Variants in MYT1L observed in about 807,000 individuals in gnomAD.
The protein encoded by MYT1L is myelin transcription factor 1 like.
Under a neutral mutation model 126.7 loss-of-function variants are expected in MYT1L, and 12 were observed. The ratio of observed to expected loss-of-function variants is 0.09; its 90% CI spans 0.06 to 0.15. The LOEUF (loss-of-function observed/expected upper bound fraction) is 0.15. MYT1L is among the 10% of genes least tolerant of loss of function. The pLI, the probability that MYT1L is intolerant of heterozygous loss-of-function variation, is 1.00. For missense variants in MYT1L, 979 were observed against 1,585.2 expected (o/e 0.62, Z 6.49); for synonymous variants, 541 against 604.2 (o/e 0.90, Z 1.53).
At chr2:1,836,792 C>T (rs553619488) in intron 21 of MYT1L, among the ~76,000 whole-genome samples, 6 of 145,232 alleles carry the variant, frequency 4.1e-5, no homozygotes, top group Admixed American at 6.8e-5. Context: ...ACCCCAAGAT[C>T]CCATCAGCCT....
chr2:2,131,839 C>T (rs1384422290), intron 3 of MYT1L, among the ~76,000 whole-genome samples: 1 of 151,568 alleles, frequency 6.6e-6, no homozygotes. Context: ...CTCTCTCAGA[C>T]ACCACGTTCT....
intron 5 of MYT1L, among the ~76,000 whole-genome samples, chr2:1,991,773 C>G (rs1293948154): frequency 6.6e-6 from 1 of 152,136 alleles, no homozygotes; most frequent in Non-Finnish European, 1.5e-5. Flanking sequence ...ATCCTTCTTT[C>G]AAAGAACACC....
intron 3 of MYT1L, among the ~76,000 whole-genome samples, chr2:2,069,740 C>T (rs2074358570): frequency 1.3e-5 from 2 of 151,866 alleles, no homozygotes; most frequent in South Asian, 4.2e-4. Context: ...CCTGTTATTT[C>T]CTGACTTTTA....
At chr2:1,890,259 T>G (rs2048687428) in intron 15 of MYT1L, among the ~76,000 whole-genome samples, 1 of 151,992 alleles carries the variant, frequency 6.6e-6, no homozygotes, top group Admixed American at 6.6e-5. Context: ...TTAGTAGAGA[T>G]GGGGTTTCAC....
At chr2:1,955,872 G>A (rs1444163592) in intron 8 of MYT1L, among the ~76,000 whole-genome samples, 1 of 152,088 alleles carries the variant, frequency 6.6e-6, no homozygotes, top group South Asian at 2.1e-4. Context: ...CTTGTCCAAG[G>A]AAAACCCATG....
At chr2:1,883,623 C>T (rs960742225) in intron 18 of MYT1L, among the ~76,000 whole-genome samples, 65 of 152,166 alleles carry the variant, frequency 4.3e-4, no homozygotes, top group African/African-American at 1.4e-3. Context: ...CCAGGCAGGG[C>T]TCACGGTGAC....
rs2149018692 is a variant in MYT1L, at chr2:1,910,554, C to A, written c.1710-207G>T. ...GTGCATGCTTTCTGCTGGTCTCCAG[C>A]AGAGAATGCTGGCGGCAGTGCTATG... On this transcript the variant is annotated intron_variant, in intron 12 of 24. Coordinates refer to ENST00000647738, the MANE Select transcript of MYT1L (RefSeq NM_001303052.2). This position sits in a 1 kb window ranked among gnomAD's most constrained non-coding sequence, Gnocchi z 4.8. Among the ~76,000 whole-genome samples, 1 of 152,222 alleles carries A rather than the reference C, an allele frequency of 6.6e-6. No homozygotes were observed. Among genetic ancestry groups the A allele is most frequent in the Middle Eastern group, 3.4e-3 (1 of 294 alleles).
At chr2:1,892,604 A>G (rs1187167823) in intron 14 of MYT1L, among the ~76,000 whole-genome samples, 1 of 150,170 alleles carries the variant, frequency 6.7e-6, no homozygotes, top group East Asian at 2.0e-4. Flanking sequence ...CCCTCGAAAG[A>G]CAGACACACG....
chr2:1,834,822 G>A (rs113102615), intron 21 of MYT1L, among the ~76,000 whole-genome samples: 37 of 146,294 alleles, frequency 2.5e-4, no homozygotes, highest in East Asian at 1.2e-3. Context: ...CATACCACGG[G>A]GATGGATACA....
chr2:2,070,428 T>C (rs549168982), intron 3 of MYT1L, among the ~76,000 whole-genome samples: 1 of 152,288 alleles, frequency 6.6e-6, no homozygotes, highest in South Asian at 2.1e-4. Flanking sequence ...GCTCACAGCC[T>C]TACTGGGAAT....
At chr2:1,895,897 C>T (rs1461361461) in intron 14 of MYT1L, among the ~76,000 whole-genome samples, 3 of 152,182 alleles carry the variant, frequency 2.0e-5, no homozygotes, top group Admixed American at 1.3e-4. Flanking sequence ...ACGGAGCAGA[C>T]AGATAACCTA....
chr2:1,889,245 A>G lies in MYT1L; in HGVS notation c.2516T>C (p.Ile839Thr). ...GGCTCAATGAAAAGGACATACAGTAATGTCTTTGGACTCGTCCTCGTCTAT... is the reference window on the plus strand; with the variant it reads ...GGCTCAATGAAAAGGACATACAGTAGTGTCTTTGGACTCGTCCTCGTCTAT... ...RRIDEDESKD[I>T]TPEDLDPFQE... Residue 839 changes from isoleucine to threonine, a missense_variant, in exon 16 of 25, where the codon ATT becomes ACT. Transcript: ENST00000647738. The surrounding 1 kb of genome is among the most constrained non-coding windows in gnomAD (Gnocchi z 4.1). 6.2e-7 allele frequency: 1 copy of G among 1,613,436 alleles called. No homozygotes were observed. Among genetic ancestry groups the G allele is most frequent in the Non-Finnish European group, 8.5e-7 (1 of 1,179,480 alleles).
intron 3 of MYT1L, among the ~76,000 whole-genome samples, chr2:2,123,775 T>C (rs1467176031): frequency 2.6e-5 from 4 of 152,176 alleles, no homozygotes; most frequent in Admixed American, 2.6e-4. Flanking sequence ...AGGAAGATGA[T>C]CTTGGATAGT....
At chr2:2,297,050 C>A (rs1233696417) in intron 1 of MYT1L, among the ~76,000 whole-genome samples, 3 of 152,170 alleles carry the variant, frequency 2.0e-5, no homozygotes. Context: ...GGTTTCTCTG[C>A]AGGAAGCCAG....
At chr2:2,079,501 C>G (rs994756008) in intron 3 of MYT1L, among the ~76,000 whole-genome samples, 1 of 152,078 alleles carries the variant, frequency 6.6e-6, no homozygotes, top group African/African-American at 2.4e-5. Context: ...AATGAAAGGA[C>G]CCAGTATAAG....
At chr2:2,156,909 A>G (rs1202553663) in intron 3 of MYT1L, among the ~76,000 whole-genome samples, 1 of 152,152 alleles carries the variant, frequency 6.6e-6, no homozygotes, top group Non-Finnish European at 1.5e-5. Flanking sequence ...TTTTAATGGG[A>G]CCTTGTCAAG....
Position 1,793,484 on chromosome 2 carries a change from C to A in MYT1L, c.3277-1020G>T, listed in dbSNP as rs2032685886. On this transcript the variant is annotated intron_variant, in intron 23 of 24. Transcript: ENST00000647738. The surrounding 1 kb of genome is among the most constrained non-coding windows in gnomAD (Gnocchi z 4.6). ...TCCTCTCCTTCCCTGACGTGTCATT[C>A]CTAAGTCCTCTCACGAGAGTCTCTC... 6.6e-6 allele frequency among the ~76,000 whole-genome samples: 1 copy of A among 152,188 alleles called. No homozygotes were observed. Among genetic ancestry groups the A allele is most frequent in the African/African-American group, 2.4e-5 (1 of 41,464 alleles).
chr2:1,986,872 A>G (rs1051244388), intron 5 of MYT1L, among the ~76,000 whole-genome samples: 5 of 152,176 alleles, frequency 3.3e-5, no homozygotes, highest in African/African-American at 1.2e-4. Flanking sequence ...TAATGGTTGC[A>G]TTTCCAATCA....
At chr2:1,865,085 C>T (rs770381927) in intron 18 of MYT1L, among the ~76,000 whole-genome samples, 3 of 152,154 alleles carry the variant, frequency 2.0e-5, no homozygotes, top group Non-Finnish European at 2.9e-5. Context: ...GAAGGGCGCC[C>T]GTGTGGGTGT....
Sources: gnomAD v4.1 joint callset for allele counts (sites outside exome capture counted in the v4.1 genomes callset) on GRCh38, gnomAD v4.1.1 for gene constraint, Gnocchi (gnomAD v3.1) non-coding constraint, MANE v1.5 for transcripts, NCBI Gene and HGNC (gene_info 2026-07-23, HGNC 2026-07-21) for gene names.